Variants in LMLN observed in about 807,000 individuals in gnomAD.
LMLN encodes the protein leishmanolysin-like peptidase.
In LMLN, 70 loss-of-function variants were observed where a neutral mutation model predicts 92.3. That is an observed-to-expected ratio of 0.76 (90% confidence interval 0.63 to 0.92). The LOEUF (loss-of-function observed/expected upper bound fraction) is 0.92, where lower values mean the gene tolerates loss of function less well. Among genes scored for constraint, LMLN ranks in the 40% least tolerant of loss-of-function variants. LMLN has a pLI of 0.00. For missense variants in LMLN, 691 were observed against 814.6 expected (o/e 0.85, Z 1.85); for synonymous variants, 308 against 296.2 (o/e 1.04, Z -0.41).
chr3:198,024,437 C>G (rs565760357), intron 13 of LMLN, among the ~76,000 whole-genome samples: 27 of 152,214 alleles, frequency 1.8e-4, no homozygotes, highest in Non-Finnish European at 3.2e-4. Flanking sequence ...GGATGGTCTC[C>G]ATCTTCTGAC....
intron 8 of LMLN, among the ~76,000 whole-genome samples, chr3:197,986,110 C>G (rs1250587565): frequency 1.3e-5 from 2 of 152,144 alleles, no homozygotes; most frequent in African/African-American, 2.4e-5. Context: ...CACACAAGAA[C>G]CATTCTTAAG....
chr3:197,990,358 C>T (rs751877434), intron 8 of LMLN, among the ~76,000 whole-genome samples: 1 of 152,026 alleles, frequency 6.6e-6, no homozygotes, highest in Non-Finnish European at 1.5e-5. Flanking sequence ...CCACTGCACC[C>T]AACCAAAAAA....
intron 12 of LMLN, among the ~76,000 whole-genome samples, chr3:198,021,224 A>G (rs1318434601): frequency 6.6e-6 from 1 of 152,078 alleles, no homozygotes; most frequent in Non-Finnish European, 1.5e-5. Flanking sequence ...ATAACTTAAG[A>G]CTCATTTACT....
chr3:197,985,976 TAAATA>T, intron 8 of LMLN, 86 bp downstream of exon 8: 1 of 794,464 alleles, frequency 1.3e-6, no homozygotes, highest in East Asian at 2.5e-5. Context: ...TTAGATGCCA[TAAATA>T]ATAATGTCTT....
At chr3:198,029,428 G>A (rs1053192148) in intron 14 of LMLN, among the ~76,000 whole-genome samples, 9 of 152,172 alleles carry the variant, frequency 5.9e-5, no homozygotes, top group African/African-American at 2.2e-4. Flanking sequence ...TGTAATCCCA[G>A]CACTTTGGTT....
At chr3:198,013,282 T>A (rs1722505700) in intron 11 of LMLN, among the ~76,000 whole-genome samples, 1 of 91,450 alleles carries the variant, frequency 1.1e-5, no homozygotes, top group Non-Finnish European at 1.9e-5. Context: ...CTCTGTACCC[T>A]TCAGAGCCCC....
chr3:197,992,261 G>A (rs1349724035), intron 9 of LMLN, among the ~76,000 whole-genome samples: 3 of 151,968 alleles, frequency 2.0e-5, no homozygotes, highest in Admixed American at 1.3e-4. Flanking sequence ...ATAGTACCAC[G>A]GATCCTGAGG....
At chr3:197,984,394 G>A (rs1253217832) in intron 7 of LMLN, among the ~76,000 whole-genome samples, 1 of 151,982 alleles carries the variant, frequency 6.6e-6, no homozygotes, top group Non-Finnish European at 1.5e-5. Flanking sequence ...GATTTATAAA[G>A]CTTTTTCCTC....
intron 11 of LMLN, among the ~76,000 whole-genome samples, chr3:198,012,120 C>T (rs1002987367): frequency 8.5e-5 from 13 of 152,164 alleles, no homozygotes; most frequent in Non-Finnish European, 1.3e-4. Flanking sequence ...GGCTGGAGTG[C>T]AGTGGTGCAA....
At chr3:198,037,632 C>G (rs1723270285) in intron 15 of LMLN, among the ~76,000 whole-genome samples, 1 of 152,188 alleles carries the variant, frequency 6.6e-6, no homozygotes, top group Admixed American at 6.5e-5. Context: ...GAATGAGACT[C>G]TGTCTCAAAA....
intron 15 of LMLN, among the ~76,000 whole-genome samples, chr3:198,037,312 G>C (rs559309952): frequency 6.6e-6 from 1 of 152,220 alleles, no homozygotes; most frequent in Non-Finnish European, 1.5e-5. Context: ...CAGGCCTGCT[G>C]TATTAACTCT....
chr3:198,021,652 G>A (rs566113298), intron 13 of LMLN, 47 bp downstream of exon 14: 3 of 1,530,370 alleles, frequency 2.0e-6, no homozygotes, highest in Non-Finnish European at 2.7e-6. Context: ...TTAAAATTAT[G>A]TATTAGCAAT....
intron 10 of LMLN, among the ~76,000 whole-genome samples, chr3:197,998,458 T>C (rs2109897274): frequency 6.6e-6 from 1 of 152,320 alleles, no homozygotes; most frequent in Non-Finnish European, 1.5e-5. Flanking sequence ...TGACTCCCTT[T>C]AGAAAGCTGT....
intron 5 of LMLN, among the ~76,000 whole-genome samples, chr3:197,978,118 T>C (rs575220217): frequency 6.7e-6 from 1 of 148,514 alleles, no homozygotes; most frequent in African/African-American, 2.6e-5. Context: ...TGGATACATA[T>C]AAAAATCATC....
At chr3:198,027,521 C>T (rs952010005) in intron 14 of LMLN, among the ~76,000 whole-genome samples, 1 of 152,092 alleles carries the variant, frequency 6.6e-6, no homozygotes, top group Non-Finnish European at 1.5e-5. Context: ...CCTCTTCCTC[C>T]TCCCCCAGCC....
intron 11 of LMLN, among the ~76,000 whole-genome samples, chr3:198,002,067 CTAAAAA>C (rs1472504156): frequency 4.6e-5 from 7 of 152,138 alleles, no homozygotes; most frequent in Admixed American, 1.3e-4. Context: ...AATCTTGTCT[CTAAAAA>C]TAAATAAAAA....
intron 11 of LMLN, among the ~76,000 whole-genome samples, chr3:198,013,196 T>C (rs1325147158): frequency 1.7e-5 from 2 of 118,970 alleles, no homozygotes; most frequent in South Asian, 2.8e-4. Flanking sequence ...CTAGTCTGAC[T>C]TCTCTGTACC....
intron 1 of LMLN, among the ~76,000 whole-genome samples, chr3:197,961,898 A>G (rs896396327): frequency 1.3e-5 from 2 of 152,176 alleles, no homozygotes; most frequent in South Asian, 2.1e-4. Flanking sequence ...ATGAACCCGC[A>G]TGGACCCATC....
intron 14 of LMLN, among the ~76,000 whole-genome samples, chr3:198,034,919 G>A (rs1472347488): frequency 6.6e-6 from 1 of 152,158 alleles, no homozygotes; most frequent in Non-Finnish European, 1.5e-5. Flanking sequence ...TTATGGCCAG[G>A]TGCAGTGGCT....
Sources: allele counts gnomAD v4.1 joint callset (sites outside exome capture counted in the v4.1 genomes callset), GRCh38; gene constraint gnomAD v4.1.1; transcripts MANE v1.5; gene names NCBI Gene and HGNC (gene_info 2026-07-23, HGNC 2026-07-21).